The following FGF18 variants were observed in gnomAD, a reference collection of about 807,000 sequenced individuals.
The protein encoded by FGF18 is fibroblast growth factor 18.
FGF18 carries 5 observed loss-of-function variants against 23.0 expected under a neutral mutation model. That is an observed-to-expected ratio of 0.22 (90% confidence interval 0.11 to 0.46). The LOEUF is 0.46. FGF18 is among the 20% of genes least tolerant of loss of function. FGF18 has a pLI of 0.99. For synonymous variants in FGF18, 117 were observed against 118.9 expected, an observed-to-expected ratio of 0.98 and a Z score of 0.10; for missense variants, 180 against 291.6, an observed-to-expected ratio of 0.62 and a Z score of 2.79.
chr5:171,431,718 G>A (rs1772184293), intron 2 of FGF18, among the ~76,000 whole-genome samples: 1 of 152,192 alleles, frequency 6.6e-6, no homozygotes, highest in Admixed American at 6.5e-5. Context: ...AAGGCACCTT[G>A]TTTCCGTAGA....
rs550934107 is a variant in FGF18 at position 171,420,218 on chromosome 5, G to T, written c.19G>T (p.Ala7Ser). 1.9e-6 allele frequency: 3 copies of T among 1,561,760 alleles called. No individual in the cohort carries two copies. The highest frequency in any genetic ancestry group is 4.8e-5 in the East Asian group (2 of 41,888). ...CCCAGCGATGTATTCAGCGCCCTCC[G>T]CCTGCACTTGCCTGTAAGCGCCCGC... The part of the protein sequence containing the change: MYSAPS[A>S]CTCLCLHFLL... Residue 7 changes from alanine to serine, a missense_variant, in exon 1 of 5, where the codon GCC becomes TCC. Ala to Ser is a moderately conservative substitution (Grantham distance 99). Coordinates refer to ENST00000274625, the MANE Select transcript of FGF18 (RefSeq NM_003862.3).
chr5:171,456,502 AT>A lies in FGF18; in HGVS notation c.358-30del, dbSNP rs772205104. ...GTGCTTTGGCAAGCATAACTGAGTC[AT>A]TTTTTTCTTGAACACTCCCCCTCTC... is the stretch of plus-strand genomic sequence containing the variant. On this transcript the variant is annotated intron_variant, in intron 4 of 4. Coordinates refer to ENST00000274625, the MANE Select transcript of FGF18 (RefSeq NM_003862.3). The surrounding 1 kb of genome is among the most constrained non-coding windows in gnomAD (Gnocchi z 6.1). 1.1e-4 allele frequency: 181 copies of A among 1,594,884 alleles called. No individual in the cohort carries two copies. Among genetic ancestry groups the A allele is most frequent in the Non-Finnish European group, 1.5e-4 (179 of 1,168,522 alleles).
At chr5:171,421,025 C>G (rs1194836953) in intron 2 of FGF18, among the ~76,000 whole-genome samples, 1 of 152,262 alleles carries the variant, frequency 6.6e-6, no homozygotes, top group Non-Finnish European at 1.5e-5. Context: ...GGCCGCGCTC[C>G]GCACTCCCTC....
intron 2 of FGF18, among the ~76,000 whole-genome samples, chr5:171,426,608 T>C (rs1772092629): frequency 6.6e-6 from 1 of 152,238 alleles, no homozygotes; most frequent in Non-Finnish European, 1.5e-5. Flanking sequence ...CAAAATGCTG[T>C]TGTGCCAAGG....
intron 3 of FGF18, among the ~76,000 whole-genome samples, chr5:171,446,972 G>A (rs1236352739): frequency 1.3e-5 from 2 of 152,142 alleles, no homozygotes; most frequent in Non-Finnish European, 2.9e-5. Flanking sequence ...AGACACATCC[G>A]ATATCCTTCC....
At chr5:171,431,774 G>T (rs1045472978) in intron 2 of FGF18, among the ~76,000 whole-genome samples, 2 of 152,138 alleles carry the variant, frequency 1.3e-5, no homozygotes, top group Non-Finnish European at 2.9e-5. Flanking sequence ...GAGAGTTGCA[G>T]CAGACTGGGC....
chr5:171,449,477 C>T (rs560807495), intron 4 of FGF18, among the ~76,000 whole-genome samples: 1 of 151,824 alleles, frequency 6.6e-6, no homozygotes, highest in African/African-American at 2.4e-5. Context: ...ATCCCATCCC[C>T]CACTTCTCTT....
intron 2 of FGF18, among the ~76,000 whole-genome samples, chr5:171,425,109 T>C (rs1772071153): frequency 1.3e-5 from 2 of 152,132 alleles, no homozygotes; most frequent in African/African-American, 4.8e-5. Context: ...CAGGGCCTTT[T>C]GGTTCTGACC....
At chr5:171,446,685 C>A (rs1162553418) in intron 3 of FGF18, among the ~76,000 whole-genome samples, 2 of 152,142 alleles carry the variant, frequency 1.3e-5, no homozygotes, top group Non-Finnish European at 2.9e-5. Context: ...CTCTGCTAGA[C>A]CCCACTTCCT....
At chr5:171,439,328 C>G (rs754046749) in intron 3 of FGF18, among the ~76,000 whole-genome samples, 2 of 152,200 alleles carry the variant, frequency 1.3e-5, no homozygotes, top group Non-Finnish European at 2.9e-5. Flanking sequence ...GAGAGTGGGC[C>G]GCTCCAGGAA....
At chr5:171,432,410 C>T (rs1772194087) in intron 2 of FGF18, among the ~76,000 whole-genome samples, 1 of 151,778 alleles carries the variant, frequency 6.6e-6, no homozygotes, top group South Asian at 2.1e-4. Flanking sequence ...CTTATTTATT[C>T]ATTTATTTAT....
At position 171,440,536 on chromosome 5, in the gene FGF18, G is replaced by A. The variant is rs1008812554; in HGVS notation, c.250+4263G>A. 1.3e-5 allele frequency among the ~76,000 whole-genome samples: 2 copies of A among 152,020 alleles called. No individual in the cohort carries two copies. The highest frequency in any genetic ancestry group is 2.1e-4 in the South Asian group (1 of 4,816). On this transcript the variant is annotated intron_variant, in intron 3 of 4. Coordinates refer to ENST00000274625, the MANE Select transcript of FGF18 (RefSeq NM_003862.3). The surrounding 1 kb of genome is among the most constrained non-coding windows in gnomAD (Gnocchi z 4.0). Reference sequence around the variant, plus strand: ...GCTACTGTGGTGAGTGACATGCCTCGTCCCAGCCATCAAAGAGCCTTCAGT... The same window carrying A: ...GCTACTGTGGTGAGTGACATGCCTCATCCCAGCCATCAAAGAGCCTTCAGT...
chr5:171,434,464 C>T lies in FGF18; in HGVS notation c.70-1629C>T, dbSNP rs1772219373. ...AGAGGTGAGACAGATGTTTGGGCAG[C>T]CAGGGTCCCAAGAGCTCTGCCATGG... On this transcript the variant is annotated intron_variant, in intron 2 of 4. Transcript: ENST00000274625. This position sits in a 1 kb window ranked among gnomAD's most constrained non-coding sequence, Gnocchi z 4.6. Among the ~76,000 whole-genome samples, 1 of 152,160 alleles carries T rather than the reference C, an allele frequency of 6.6e-6. No individual in the cohort carries two copies. Among genetic ancestry groups the T allele is most frequent in the African/African-American group, 2.4e-5 (1 of 41,444 alleles).
At chr5:171,453,317 TC>T (rs1561892034) in intron 4 of FGF18, among the ~76,000 whole-genome samples, 1 of 152,188 alleles carries the variant, frequency 6.6e-6, no homozygotes, top group African/African-American at 2.4e-5. Context: ...CAGGGCTGGT[TC>T]CCAAGATTCG....
Position 171,440,665 on chromosome 5 carries a change from G to A in FGF18, c.250+4392G>A, listed in dbSNP as rs758006866. On this transcript the variant is annotated intron_variant, in intron 3 of 4. Coordinates refer to ENST00000274625, the MANE Select transcript of FGF18 (RefSeq NM_003862.3). This position sits in a 1 kb window ranked among gnomAD's most constrained non-coding sequence, Gnocchi z 4.0. ...CCCACCCATTCTCTCCCTGAGCCTC[G>A]GTTTCCCCACCTGTAATGTGGGTGG... Among the ~76,000 whole-genome samples the A allele has an allele frequency of 3.3e-5, 5 of 152,140 alleles. No homozygotes were observed. The highest frequency in any genetic ancestry group is 5.9e-5 in the Non-Finnish European group (4 of 68,026).
chr5:171,448,330 A>AGT (rs1160094441), intron 3 of FGF18, among the ~76,000 whole-genome samples: 1 of 152,160 alleles, frequency 6.6e-6, no homozygotes, highest in East Asian at 1.9e-4. Context: ...CATGGACGGC[A>AGT]GTGGAATATC....
intron 2 of FGF18, among the ~76,000 whole-genome samples, chr5:171,433,668 G>A (rs1772210614): frequency 6.6e-6 from 1 of 152,196 alleles, no homozygotes; most frequent in Non-Finnish European, 1.5e-5. Context: ...GGCACACATG[G>A]TGGGCCAGCA....
In FGF18 at chr5:171,451,321, A is replaced by G. The variant is rs1001161766; in HGVS notation, c.357+2068A>G. ...CTGGGCCCACCCGGGGGACTCGAGG[A>G]CGCCACCAAATCCACCTGTCCAGGC... On this transcript the variant is annotated intron_variant, in intron 4 of 4. Coordinates refer to ENST00000274625, the MANE Select transcript of FGF18 (RefSeq NM_003862.3). This position sits in a 1 kb window ranked among gnomAD's most constrained non-coding sequence, Gnocchi z 4.5. Among the ~76,000 whole-genome samples, 5 of 151,498 alleles carry G rather than the reference A, an allele frequency of 3.3e-5. No homozygotes were observed. The East Asian group carries it at 9.9e-4, about 30-fold the overall frequency.
intron 3 of FGF18, among the ~76,000 whole-genome samples, chr5:171,444,982 A>G (rs1182101156): frequency 6.6e-6 from 1 of 152,192 alleles, no homozygotes; most frequent in Admixed American, 6.5e-5. Context: ...GTTTCGGAGA[A>G]GAGCTCTCAG....
Sources: gnomAD v4.1 joint callset for allele counts (sites outside exome capture counted in the v4.1 genomes callset) on GRCh38, gnomAD v4.1.1 for gene constraint, Gnocchi (gnomAD v3.1) non-coding constraint, MANE v1.5 for transcripts, NCBI Gene and HGNC (gene_info 2026-07-23, HGNC 2026-07-21) for gene names.